Variants in SAMMSON observed in about 807,000 individuals in gnomAD.
SAMMSON encodes long intergenic non-protein coding RNA 1212.
At chr3:70,408,129 G>T (rs1701190896) in intron 2 of SAMMSON, among the ~76,000 whole-genome samples, 1 of 152,180 alleles carries the variant, frequency 6.6e-6, no homozygotes, top group Non-Finnish European at 1.5e-5. Flanking sequence ...CAAGTCCCTA[G>T]GCTGCACACA....
chr3:70,288,961 G>A (rs1228487691), intron 6 of SAMMSON, among the ~76,000 whole-genome samples: 271 of 151,988 alleles, frequency 1.8e-3, no homozygotes, highest in African/African-American at 6.2e-3. Context: ...GTCTCTGCAC[G>A]TGAGATGGGT....
At chr3:70,311,182 T>C (rs1996815) in intron 7 of SAMMSON, among the ~76,000 whole-genome samples, 133 of 152,056 alleles carry the variant, frequency 8.7e-4, no homozygotes, top group African/African-American at 2.9e-3. Context: ...TACAATATAA[T>C]AGATTCATTA....
At chr3:70,022,945 T>G (rs2067021751) in intron 3 of SAMMSON, among the ~76,000 whole-genome samples, 1 of 152,176 alleles carries the variant, frequency 6.6e-6, no homozygotes, top group South Asian at 2.1e-4. Context: ...AAAGTTGGGT[T>G]GGTATTTCAT....
At chr3:70,424,278 A>C (rs570375044) in intron 2 of SAMMSON, among the ~76,000 whole-genome samples, 1 of 152,268 alleles carries the variant, frequency 6.6e-6, no homozygotes, top group African/African-American at 2.4e-5. Context: ...TTTTTTGAAA[A>C]ATTATCTTAA....
At chr3:70,023,485 T>C (rs1212495171) in intron 3 of SAMMSON, among the ~76,000 whole-genome samples, 3 of 152,042 alleles carry the variant, frequency 2.0e-5, no homozygotes, top group South Asian at 2.1e-4. Flanking sequence ...TTTCTTTATT[T>C]CTTTATATTC....
chr3:70,068,119 C>G (rs918235862), intron 3 of SAMMSON: 1 of 151,918 alleles, frequency 6.6e-6, no homozygotes, highest in African/African-American at 2.4e-5. Context: ...GAGATAGACT[C>G]TAACTGGCCA....
chr3:70,328,742 G>A (rs1702599101), intron 7 of SAMMSON, among the ~76,000 whole-genome samples: 1 of 152,050 alleles, frequency 6.6e-6, no homozygotes, highest in Non-Finnish European at 1.5e-5. Flanking sequence ...TGAGGAGACA[G>A]GGAAAAAATA....
intron 4 of SAMMSON, among the ~76,000 whole-genome samples, chr3:70,224,824 T>C (rs1415894441): frequency 4.0e-5 from 6 of 151,234 alleles, no homozygotes; most frequent in African/African-American, 1.5e-4. Flanking sequence ...TTTTGCAGTT[T>C]CCCCCCCCAC....
In SAMMSON at chr3:70,288,255, T is replaced by G. The variant is rs868263906; in HGVS notation, n.675-2924T>G. 3.7e-4 allele frequency among the ~76,000 whole-genome samples: 48 copies of G among 129,496 alleles called. 1 individual carries two copies. In the South Asian group the frequency reaches 0.015, roughly 40 times the overall value. The allele number at this position is 129,496 out of a possible 152,430, so 85.0% of individuals were successfully genotyped here. ...ATGCATCCCAGAGATTCTGGTATGT[T>G]GTGTCTTTGTTCTCGTTGGTTTCAA... On this transcript the variant is annotated intron_variant and non_coding_transcript_variant, in intron 6 of 9. Coordinates refer to ENST00000642114, the Ensembl canonical transcript of SAMMSON.
chr3:70,026,764 A>C (rs542127356), intron 3 of SAMMSON, among the ~76,000 whole-genome samples: 1 of 152,350 alleles, frequency 6.6e-6, no homozygotes, highest in East Asian at 1.9e-4. Flanking sequence ...ACTGGTTAGC[A>C]ATGTCAACCT....
At chr3:70,286,458 G>A (rs1415984686) in intron 6 of SAMMSON, among the ~76,000 whole-genome samples, 3 of 151,786 alleles carry the variant, frequency 2.0e-5, no homozygotes, top group Non-Finnish European at 1.5e-5. Flanking sequence ...TTTGGTTACT[G>A]TAGCCTTGTA....
intron 3 of SAMMSON, among the ~76,000 whole-genome samples, chr3:70,066,626 C>T: frequency 6.6e-6 from 1 of 152,078 alleles, no homozygotes; most frequent in Admixed American, 6.6e-5. Context: ...ACAACCACAT[C>T]AGATTACTAT....
Position 70,011,140 on chromosome 3 carries a change from T to C in SAMMSON, n.23-1217T>C, listed in dbSNP as rs1385358463. ...CCCTTTTATTTTTAATTACTGTAGA[T>C]ACATAATAGTTTTACATATTTCTGA... On this transcript the variant is annotated intron_variant and non_coding_transcript_variant, in intron 1 of 9. Coordinates refer to ENST00000642114, the Ensembl canonical transcript of SAMMSON. Among the ~76,000 whole-genome samples, 6 of 152,294 alleles carry C rather than the reference T, an allele frequency of 3.9e-5. 1 individual carries two copies. The South Asian group carries it at 8.3e-4, about 21-fold the overall frequency.
At chr3:70,092,897 T>C (rs1483425673) in intron 4 of SAMMSON, among the ~76,000 whole-genome samples, 1 of 73,816 alleles carries the variant, frequency 1.4e-5, no homozygotes. Context: ...TTGTCTAGTG[T>C]TTTTGTTTTT....
chr3:70,404,347 A>G (rs1701163630), intron 2 of SAMMSON, among the ~76,000 whole-genome samples: 1 of 152,162 alleles, frequency 6.6e-6, no homozygotes. Flanking sequence ...TTTAGCCTAT[A>G]TAAAACATTA....
At chr3:70,030,059 G>A (rs1400953463) in intron 3 of SAMMSON, among the ~76,000 whole-genome samples, 1 of 152,102 alleles carries the variant, frequency 6.6e-6, no homozygotes, top group African/African-American at 2.4e-5. Context: ...TATTTGTCTT[G>A]TATGAGTGCT....
intron 2 of SAMMSON, among the ~76,000 whole-genome samples, chr3:70,417,919 G>C (rs1163149980): frequency 6.6e-6 from 1 of 152,076 alleles, no homozygotes; most frequent in African/African-American, 2.4e-5. Flanking sequence ...ATCCTGATGG[G>C]GTAGGGTCAA....
At chr3:70,255,165 T>C (rs115050406) in intron 6 of SAMMSON, among the ~76,000 whole-genome samples, 2,348 of 152,308 alleles carry the variant, frequency 0.015, 58 homozygotes, top group African/African-American at 0.055. Flanking sequence ...ATCAAAGAAG[T>C]TAATTTGATT....
chr3:70,174,593 T>G (rs1026727057), intron 4 of SAMMSON, among the ~76,000 whole-genome samples: 9 of 152,054 alleles, frequency 5.9e-5, no homozygotes, highest in Non-Finnish European at 1.2e-4. Context: ...TGAGAGGTAC[T>G]TCATGGTGTC....
Sources: gnomAD v4.1 joint callset for allele counts (sites outside exome capture counted in the v4.1 genomes callset) on GRCh38, gnomAD v4.1.1 for gene constraint, MANE v1.5 for transcripts, NCBI Gene and HGNC (gene_info 2026-07-23, HGNC 2026-07-21) for gene names.